HPS3: variants seen among roughly 807,000 people sequenced by gnomAD.
The protein encoded by HPS3 is BLOC-2 complex member HPS3.
Under a neutral mutation model 110.9 loss-of-function variants are expected in HPS3, and 79 were observed. That is an observed-to-expected ratio of 0.71 (90% CI 0.59 to 0.86). The LOEUF is 0.86. HPS3 is among the 40% of genes least tolerant of loss of function. HPS3 has a pLI of 0.00. For missense variants in HPS3, 1,197 were observed against 1,206.2 expected, an observed-to-expected ratio of 0.99 and a Z score of 0.11; for synonymous variants, 428 against 451.0, an observed-to-expected ratio of 0.95 and a Z score of 0.65.
rs1472899472 is a variant in HPS3, at chr3:149,160,030, T to C, written c.1873-16T>C. 1 of 1,595,356 alleles carries C rather than the reference T, an allele frequency of 6.3e-7. No homozygotes were observed. Among genetic ancestry groups the C allele is most frequent in the Non-Finnish European group, 8.6e-7 (1 of 1,162,968 alleles). On this transcript the variant is annotated splice_polypyrimidine_tract_variant and intron_variant, in intron 10 of 16. Coordinates refer to ENST00000296051, the MANE Select transcript of HPS3 (RefSeq NM_032383.5). The stretch of plus-strand genomic sequence containing the variant: ...ACTGACCTTTTATTCCTTTTATTCC[T>C]TCGTGCTCACCAAAGGAATTAGCAG...
At chr3:149,140,597 G>A in intron 2 of HPS3, 99 bp downstream of exon 2, 7 of 1,268,488 alleles carry the variant, frequency 5.5e-6, no homozygotes, top group Middle Eastern at 1.9e-4. Flanking sequence ...GCCCGGCCAT[G>A]TTATTTATAG....
intron 5 of HPS3, among the ~76,000 whole-genome samples, chr3:149,148,015 C>T (rs1343833582): frequency 6.6e-6 from 1 of 151,900 alleles, no homozygotes; most frequent in Non-Finnish European, 1.5e-5. Context: ...GGATTATAGG[C>T]ACCTGCCGCC....
chr3:149,140,056 T>G lies in HPS3; in HGVS notation c.270T>G (p.Ala90=). The part of the protein sequence containing the change: ...EEKNKATFLR[A]YVNWRNKRTE... ...AAAACAAAGCTACATTTCTACGTGC[T>G]TATGTGAACTGGAGAAATAAAAGGA... Residue 90 remains alanine (A), a synonymous_variant, in exon 2 of 17, where the codon GCT becomes GCG. Transcript: ENST00000296051. The G allele has an allele frequency of 6.2e-7, 1 of 1,612,974 alleles. No individual in the cohort carries two copies. The highest frequency in any genetic ancestry group is 8.5e-7 in the Non-Finnish European group (1 of 1,179,424).
Position 149,140,347 on chromosome 3 carries a change from T to A in HPS3, c.561T>A (p.Thr187=). The A allele has an allele frequency of 6.2e-7, 1 of 1,611,724 alleles. No individual in the cohort carries two copies. Among genetic ancestry groups the A allele is most frequent in the Non-Finnish European group, 8.5e-7 (1 of 1,178,440 alleles). ...RSLIIHIDNI[T]PVEVSFCVGY... ...TAATTATACACATAGATAATATCAC[T>A]CCTGTTGAGGTTTCTTTTTGTGTTG... Residue 187 remains threonine (T), a synonymous_variant, in exon 2 of 17, where the codon ACT becomes ACA. Transcript: ENST00000296051.
intron 16 of HPS3, among the ~76,000 whole-genome samples, chr3:149,169,171 A>G (rs749941617): frequency 2.0e-5 from 3 of 152,144 alleles, no homozygotes; most frequent in Non-Finnish European, 4.4e-5. Flanking sequence ...CTCACCAGCA[A>G]TATGCCTCTC....
rs369986333 is a variant in HPS3 at position 149,140,411 on chromosome 3, G to A, written c.625G>A (p.Val209Ile). 1.3e-5 allele frequency: 21 copies of A among 1,611,354 alleles called. No individual in the cohort carries two copies. Among genetic ancestry groups the A allele is most frequent in the African/African-American group, 5.3e-5 (4 of 74,790 alleles). Residue 209 changes from valine to isoleucine, a missense_variant, in exon 2 of 17, where the codon GTA becomes ATA. By Grantham distance (29) the Val-to-Ile change is conservative. Coordinates refer to ENST00000296051, the MANE Select transcript of HPS3 (RefSeq NM_032383.5). ...AVMSDLEVLI[V>I]KLESGPKNGE... is the part of the protein sequence containing the mutation. The stretch of plus-strand genomic sequence containing the variant: ...CATGTCAGACTTAGAAGTCTTAATC[G>A]TAAAACTGGAGTCAGGCCCTAAAAA...
rs751469394 is a variant in HPS3 at position 149,153,731 on chromosome 3, A to G, written c.1400+83A>G. 2.7e-5 allele frequency: 38 copies of G among 1,400,356 alleles called. No homozygotes were observed. The Middle Eastern group carries it at 7.0e-4, about 26-fold the overall frequency. 86.7% of individuals were successfully genotyped at this position (1,400,356 alleles called of 1,614,324 possible). A position where few individuals can be genotyped will look rare whatever the true frequency, so the allele number is the denominator to read the frequency against. On this transcript the variant is annotated intron_variant, in intron 7 of 16. Transcript: ENST00000296051. ...TATATTTTGTGTTTATCTTTTTTCA[A>G]ATCATAACTTGGAATGATCAAATGG...
intron 5 of HPS3, among the ~76,000 whole-genome samples, chr3:149,146,898 A>T (rs915714071): frequency 1.3e-5 from 2 of 152,238 alleles, no homozygotes; most frequent in African/African-American, 4.8e-5. Context: ...TAAAGTTTTA[A>T]CCAGAGAAAG....
Position 149,167,118 on chromosome 3 carries a change from A to G in HPS3, c.2674A>G (p.Ser892Gly). ...TTCAGAAGACACTATTGCCGGCCTC[A>G]GTGTCCATGTTCTGTGTCGTACACG... ...PLSEDTIAGL[S>G]VHVLCRTRLK... The change falls in exon 15 of 17, where the codon AGT (serine) becomes GGT (glycine). Residue 892 changes from serine (S) to glycine (G), a missense_variant. Transcript: ENST00000296051. The G allele has an allele frequency of 1.2e-6, 2 of 1,613,972 alleles. No homozygotes were observed. The highest frequency in any genetic ancestry group is 1.7e-6 in the Non-Finnish European group (2 of 1,179,830).
rs1240210016 is a variant in HPS3 at position 149,141,099 on chromosome 3, T to G, written c.795T>G (p.Ser265Arg). 3 of 1,613,644 alleles carry G rather than the reference T, an allele frequency of 1.9e-6. No homozygotes were observed. The highest frequency in any genetic ancestry group is 1.7e-5 in the Admixed American group (1 of 59,986). The change falls in exon 3 of 17, where the codon AGT (serine) becomes AGG (arginine). Residue 265 changes from serine to arginine, a missense_variant. Physicochemically the swap from Ser to Arg is moderately radical, Grantham distance 110. Coordinates refer to ENST00000296051, the MANE Select transcript of HPS3 (RefSeq NM_032383.5). The stretch of plus-strand genomic sequence containing the variant: ...CCCTGGAACTTCTTGGTGAAAAAAG[T>G]GAACAGTCTGGATTATCTGTTACAC... Reference protein sequence around the residue: ...QKPLELLGEKSEQSGLSVTLE... With the variant: ...QKPLELLGEKREQSGLSVTLE...
chr3:149,149,667 C>T lies in HPS3; in HGVS notation c.1164-932C>T, dbSNP rs545579999. Among the ~76,000 whole-genome samples, 5 of 151,482 alleles carry T rather than the reference C, an allele frequency of 3.3e-5. No individual in the cohort carries two copies. In the East Asian group the frequency reaches 9.7e-4, roughly 29 times the overall value. On this transcript the variant is annotated intron_variant, in intron 5 of 16. Transcript: ENST00000296051. ...GTCTTTTTTTTTATTTTAAAGAGTTCGTTTTTACTTCTCCCACTTTCTAGT... is the reference window on the plus strand; with the variant it reads ...GTCTTTTTTTTTATTTTAAAGAGTTTGTTTTTACTTCTCCCACTTTCTAGT...
chr3:149,163,627 T>C (rs1207432249), intron 13 of HPS3, among the ~76,000 whole-genome samples: 2 of 152,214 alleles, frequency 1.3e-5, no homozygotes, highest in African/African-American at 4.8e-5. Context: ...GTATTTACAT[T>C]TTAAAATATA....
At chr3:149,135,055 G>A (rs1375575036) in intron 1 of HPS3, among the ~76,000 whole-genome samples, 2 of 152,076 alleles carry the variant, frequency 1.3e-5, no homozygotes, top group Admixed American at 6.6e-5. Context: ...CTCCTCTGTA[G>A]CAAGTCTCCT....
At chr3:149,169,386 A>G (rs1265687938) in intron 16 of HPS3, among the ~76,000 whole-genome samples, 3 of 152,198 alleles carry the variant, frequency 2.0e-5, no homozygotes, top group Non-Finnish European at 4.4e-5. Flanking sequence ...TCGTGAGACT[A>G]AATGAGAAGT....
intron 15 of HPS3, among the ~76,000 whole-genome samples, chr3:149,167,504 G>A (rs935451456): frequency 7.2e-5 from 11 of 152,306 alleles, no homozygotes; most frequent in Non-Finnish European, 1.3e-4. Context: ...TTTGGGAACA[G>A]TGTATGATGG....
At chr3:149,151,617 G>C (rs11711995) in intron 6 of HPS3, among the ~76,000 whole-genome samples, 4 of 47,442 alleles carry the variant, frequency 8.4e-5, no homozygotes, top group Admixed American at 2.3e-4. Flanking sequence ...AAAAAAAAAA[G>C]CCTCTTGACC....
At position 149,142,069 on chromosome 3, in the gene HPS3, C is replaced by T. The variant is rs185610840; in HGVS notation, c.970+689C>T. Among the ~76,000 whole-genome samples the T allele has an allele frequency of 3.4e-3, 518 of 151,650 alleles. 2 individuals are homozygous for T. Among genetic ancestry groups the T allele is most frequent in the African/African-American group, 0.012 (503 of 41,318 alleles). On this transcript the variant is annotated intron_variant, in intron 4 of 16. Transcript: ENST00000296051. ...TTCTCCATGTTGGTCAGGCTGGTCT[C>T]GAACTCCCGACCTCATTGATCCGCC...
At chr3:149,137,710 G>A (rs1722199689) in intron 1 of HPS3, among the ~76,000 whole-genome samples, 1 of 152,136 alleles carries the variant, frequency 6.6e-6, no homozygotes, top group Admixed American at 6.5e-5. Context: ...AGTGATACAA[G>A]CCTGATACAA....
chr3:149,156,810 G>A (rs1251576537), intron 8 of HPS3, among the ~76,000 whole-genome samples: 2 of 152,060 alleles, frequency 1.3e-5, no homozygotes, highest in Non-Finnish European at 2.9e-5. Flanking sequence ...TTAATTGAAA[G>A]TCTTCGTTTA....
Sources: gnomAD v4.1 joint callset for allele counts (sites outside exome capture counted in the v4.1 genomes callset) on GRCh38, gnomAD v4.1.1 for gene constraint, MANE v1.5 for transcripts, NCBI Gene and HGNC (gene_info 2026-07-23, HGNC 2026-07-21) for gene names.